PTPRD: variants seen among roughly 807,000 people sequenced by gnomAD.
PTPRD encodes the protein protein tyrosine phosphatase receptor type D, also known as receptor-type tyrosine-protein phosphatase delta.
Under a neutral mutation model 214.5 loss-of-function variants are expected in PTPRD, and 34 were observed. The observed-to-expected ratio is 0.16, with a 90% confidence interval of 0.12 to 0.21. The LOEUF (loss-of-function observed/expected upper bound fraction) is 0.21, where lower values mean the gene tolerates loss of function less well. Ranked by LOEUF, PTPRD falls within the 10% of genes least tolerant of loss-of-function variation. The probability of loss-of-function intolerance (pLI) is 1.00; values close to 1 mark genes in which losing one functional copy is unlikely to be tolerated. For missense variants in PTPRD, 2,545 were observed against 2,398.7 expected (o/e 1.06, Z -1.27); for synonymous variants, 1,128 against 845.7 (o/e 1.33, Z -5.79).
chr9:10,288,622 T>C (rs955003082), intron 3 of PTPRD, among the ~76,000 whole-genome samples: 1 of 152,166 alleles, frequency 6.6e-6, no homozygotes, highest in Non-Finnish European at 1.5e-5. Context: ...GAGAATTTGC[T>C]TAAGACATGC....
chr9:9,866,230 A>G (rs985869175), intron 5 of PTPRD, among the ~76,000 whole-genome samples: 2 of 152,192 alleles, frequency 1.3e-5, no homozygotes, highest in South Asian at 2.1e-4. Flanking sequence ...AGAATCTGCT[A>G]TATATGTCAT....
intron 3 of PTPRD, among the ~76,000 whole-genome samples, chr9:10,137,701 TAAA>T (rs76032048): frequency 0.019 from 1,376 of 72,022 alleles, 82 homozygotes; most frequent in East Asian, 0.033. Flanking sequence ...TAGAGTATAA[TAAA>T]AAAAAAAAAA....
intron 3 of PTPRD, among the ~76,000 whole-genome samples, chr9:10,095,537 T>C (rs1355512581): frequency 1.3e-5 from 2 of 151,582 alleles, no homozygotes; most frequent in African/African-American, 4.8e-5. Context: ...TACAGAAGAC[T>C]AGACAGTGGT....
chr9:10,607,271 C>T (rs150773620), intron 2 of PTPRD, among the ~76,000 whole-genome samples: 6 of 151,810 alleles, frequency 4.0e-5, no homozygotes, highest in East Asian at 1.9e-4. Flanking sequence ...TTAAAGGCAA[C>T]GCTTTGGTAA....
chr9:10,039,300 A>T (rs1031131962), intron 3 of PTPRD, among the ~76,000 whole-genome samples: 22 of 152,066 alleles, frequency 1.4e-4, no homozygotes, highest in African/African-American at 5.3e-4. Flanking sequence ...ACCATAATTT[A>T]TTTGTCAGGT....
chr9:9,256,575 C>A (rs1330910734), intron 9 of PTPRD, among the ~76,000 whole-genome samples: 25 of 151,970 alleles, frequency 1.6e-4, no homozygotes, highest in Admixed American at 1.6e-3. Context: ...TGCTAAACTG[C>A]TTCAACCAAT....
At chr9:9,550,041 G>A (rs559595191) in intron 8 of PTPRD, among the ~76,000 whole-genome samples, 14 of 152,094 alleles carry the variant, frequency 9.2e-5, no homozygotes, top group Admixed American at 3.3e-4. Flanking sequence ...AAATGTTGCT[G>A]TGAATATATT....
intron 11 of PTPRD, among the ~76,000 whole-genome samples, chr9:9,001,974 T>C (rs1162367939): frequency 8.1e-6 from 1 of 124,052 alleles, no homozygotes; most frequent in Non-Finnish European, 1.8e-5. Flanking sequence ...ACTAGCTCCC[T>C]GTGTGTGTGT....
At chr9:10,139,368 A>G (rs1307729771) in intron 3 of PTPRD, among the ~76,000 whole-genome samples, 1 of 152,074 alleles carries the variant, frequency 6.6e-6, no homozygotes, top group African/African-American at 2.4e-5. Flanking sequence ...ACTGCTGAAT[A>G]AAATCAGAGA....
At chr9:8,753,918 T>G (rs113233362) in intron 11 of PTPRD, among the ~76,000 whole-genome samples, 7,715 of 151,816 alleles carry the variant, frequency 0.051, 487 homozygotes, top group African/African-American at 0.15. Flanking sequence ...GCTGAGGAGG[T>G]TGGATCACCT....
chr9:10,121,072 G>A (rs1178200572), intron 3 of PTPRD, among the ~76,000 whole-genome samples: 3 of 152,074 alleles, frequency 2.0e-5, no homozygotes, highest in African/African-American at 7.2e-5. Context: ...AATTCTAAGA[G>A]GTCAAGGGTG....
intron 7 of PTPRD, among the ~76,000 whole-genome samples, chr9:9,661,628 C>G (rs564177095): frequency 8.6e-5 from 13 of 151,834 alleles, no homozygotes; most frequent in East Asian, 1.9e-4. Flanking sequence ...TAAAAACAAA[C>G]AAACAAAAAA....
chr9:8,950,945 A>G (rs1363631226), intron 11 of PTPRD, among the ~76,000 whole-genome samples: 1 of 152,120 alleles, frequency 6.6e-6, no homozygotes, highest in Admixed American at 6.6e-5. Flanking sequence ...CATGCTTTAC[A>G]ATAGAAAAAT....
At chr9:9,959,218 G>T (rs968315545) in intron 4 of PTPRD, among the ~76,000 whole-genome samples, 3 of 152,026 alleles carry the variant, frequency 2.0e-5, no homozygotes, top group African/African-American at 7.2e-5. Flanking sequence ...ACCTTTGATG[G>T]CTAAGTGAAA....
At chr9:8,977,723 G>C (rs2099276408) in intron 11 of PTPRD, among the ~76,000 whole-genome samples, 1 of 148,896 alleles carries the variant, frequency 6.7e-6, no homozygotes, top group Admixed American at 6.7e-5. Context: ...GAATCCCCTG[G>C]TACACAACTT....
chr9:8,942,383 T>A (rs1167703621), intron 11 of PTPRD, among the ~76,000 whole-genome samples: 1 of 152,196 alleles, frequency 6.6e-6, no homozygotes, highest in Non-Finnish European at 1.5e-5. Context: ...TGAGGTGTAC[T>A]GTTTCACCTC....
intron 43 of PTPRD, among the ~76,000 whole-genome samples, chr9:8,337,891 C>T (rs750643507): frequency 4.7e-5 from 7 of 149,500 alleles, no homozygotes; most frequent in Non-Finnish European, 1.0e-4. Flanking sequence ...TTTTTTTAAA[C>T]GGTGGGGCAG....
intron 39 of PTPRD, among the ~76,000 whole-genome samples, chr9:8,350,837 C>G (rs1022086486): frequency 1.3e-5 from 2 of 152,014 alleles, no homozygotes; most frequent in Admixed American, 1.3e-4. Flanking sequence ...TTTGTCCATG[C>G]TATTCAACAT....
intron 35 of PTPRD, among the ~76,000 whole-genome samples, chr9:8,434,426 A>G (rs575298526): frequency 2.0e-5 from 3 of 152,336 alleles, no homozygotes; most frequent in African/African-American, 4.8e-5. Context: ...AGACTATACT[A>G]TCTAGGTTTG....
Sources: gnomAD v4.1 joint callset for allele counts (sites outside exome capture counted in the v4.1 genomes callset) on GRCh38, gnomAD v4.1.1 for gene constraint, MANE v1.5 for transcripts, NCBI Gene and HGNC (gene_info 2026-07-23, HGNC 2026-07-21) for gene names.